Variants in OGDH observed in about 807,000 individuals in gnomAD.
The protein encoded by OGDH is oxoglutarate dehydrogenase.
In OGDH, 38 loss-of-function variants were observed where a neutral mutation model predicts 116.6. That is an observed-to-expected ratio of 0.33 (90% CI 0.25 to 0.43). OGDH has a LOEUF of 0.43. OGDH is among the 20% of genes least tolerant of loss of function. The pLI is 1.00. For synonymous variants in OGDH, 488 were observed against 533.3 expected, an observed-to-expected ratio of 0.92 and a Z score of 1.17; for missense variants, 825 against 1,357.2, an observed-to-expected ratio of 0.61 and a Z score of 6.16.
chr7:44,696,225 C>G, intron 13 of OGDH, 98 bp downstream of exon 13: 13 of 1,056,964 alleles, frequency 1.2e-5, no homozygotes, highest in Non-Finnish European at 1.6e-5. Context: ...CACTTTGTAC[C>G]CACAATGCAC....
At chr7:44,642,684 G>A (rs1442351123) in intron 2 of OGDH, among the ~76,000 whole-genome samples, 4 of 152,034 alleles carry the variant, frequency 2.6e-5, no homozygotes, top group Non-Finnish European at 4.4e-5. Flanking sequence ...AGCACTTTGG[G>A]AGGCCAAGGC....
At chr7:44,630,694 A>G (rs1321100571) in intron 2 of OGDH, among the ~76,000 whole-genome samples, 2 of 152,198 alleles carry the variant, frequency 1.3e-5, no homozygotes, top group East Asian at 1.9e-4. Flanking sequence ...AATCATCTCT[A>G]GATTACTTGT....
chr7:44,667,065 A>G (rs575876732), intron 5 of OGDH, among the ~76,000 whole-genome samples: 3 of 151,528 alleles, frequency 2.0e-5, no homozygotes, highest in African/African-American at 4.8e-5. Flanking sequence ...TCCCACCCCA[A>G]CCTCTTGTAT....
At chr7:44,634,094 G>T (rs1785562431) in intron 2 of OGDH, among the ~76,000 whole-genome samples, 1 of 152,242 alleles carries the variant, frequency 6.6e-6, no homozygotes, top group South Asian at 2.1e-4. Context: ...CTCCCTTGGA[G>T]CTGAGGCTCA....
At chr7:44,673,229 G>A (rs575991274) in intron 5 of OGDH, among the ~76,000 whole-genome samples, 8 of 152,268 alleles carry the variant, frequency 5.3e-5, no homozygotes, top group African/African-American at 1.9e-4. Flanking sequence ...GAGGCAAGAA[G>A]ATCACTTGAG....
intron 20 of OGDH, among the ~76,000 whole-genome samples, chr7:44,706,748 G>A (rs1789095480): frequency 6.6e-6 from 1 of 150,632 alleles, no homozygotes; most frequent in Non-Finnish European, 1.5e-5. Flanking sequence ...AGCCTCCCGA[G>A]TAGCTGGGAC....
intron 1 of OGDH, among the ~76,000 whole-genome samples, chr7:44,616,858 CACATAT>C (rs1359342095): frequency 3.5e-4 from 38 of 107,766 alleles, no homozygotes; most frequent in African/African-American, 1.2e-3. Context: ...TATATATATA[CACATAT>C]ATATATACGT....
chr7:44,659,659 C>CA (rs1198241638), intron 4 of OGDH, among the ~76,000 whole-genome samples: 1 of 152,106 alleles, frequency 6.6e-6, no homozygotes, highest in Non-Finnish European at 1.5e-5. Flanking sequence ...TCTAAGTTGT[C>CA]AAATGTGTGT....
chr7:44,684,413 G>A (rs570395958), intron 10 of OGDH, among the ~76,000 whole-genome samples: 6 of 152,282 alleles, frequency 3.9e-5, no homozygotes, highest in Non-Finnish European at 8.8e-5. Flanking sequence ...TCACTAAGTA[G>A]CAAATACTAA....
intron 10 of OGDH, among the ~76,000 whole-genome samples, chr7:44,682,396 AAG>A (rs1405546853): frequency 6.6e-6 from 1 of 151,476 alleles, no homozygotes; most frequent in African/African-American, 2.4e-5. Context: ...AAAAAAAAAA[AAG>A]AAAAGAAAAA....
chr7:44,671,617 A>C (rs1787458253), intron 5 of OGDH, among the ~76,000 whole-genome samples: 1 of 149,074 alleles, frequency 6.7e-6, no homozygotes, highest in African/African-American at 2.5e-5. Context: ...CAACAAAAAA[A>C]ATTAGCCGGG....
Position 44,694,002 on chromosome 7 carries a change from T to C in OGDH, c.1513T>C (p.Leu505=), listed in dbSNP as rs2116339386. The C allele has an allele frequency of 6.2e-7, 1 of 1,610,964 alleles. No individual in the cohort carries two copies. Among genetic ancestry groups the C allele is most frequent in the Middle Eastern group, 1.7e-4 (1 of 6,048 alleles). The change falls in exon 11 of 23, where the codon TTG becomes CTG. Residue 505 remains leucine, a splice_region_variant and synonymous_variant. Coordinates refer to ENST00000222673, the MANE Select transcript of OGDH (RefSeq NM_002541.4). This position sits in a 1 kb window ranked among gnomAD's most constrained non-coding sequence, Gnocchi z 4.2. ...STFHKDVVVD[L]VCYRRNGHNE... is the part of the protein sequence containing the mutation. ...CTTCCACAAGGACGTGGTTGTCGAT[T>C]TGGTGAGTGACTCTGGGGACAGCAC...
intron 4 of OGDH, among the ~76,000 whole-genome samples, chr7:44,661,144 TA>T (rs1562648797): frequency 6.6e-6 from 1 of 152,244 alleles, no homozygotes; most frequent in African/African-American, 2.4e-5. Flanking sequence ...CTTTGGTGTA[TA>T]CACATTTCAG....
At chr7:44,631,680 G>T (rs1441434036) in intron 2 of OGDH, among the ~76,000 whole-genome samples, 10 of 152,246 alleles carry the variant, frequency 6.6e-5, no homozygotes, top group African/African-American at 2.4e-4. Flanking sequence ...GTAGTTTGCA[G>T]CTCATGACAG....
In OGDH at chr7:44,613,813, T is replaced by G. The variant is rs1164296296; in HGVS notation, c.-28+7160T>G. Among the ~76,000 whole-genome samples, 4 of 149,918 alleles carry G rather than the reference T, an allele frequency of 2.7e-5. No homozygotes were observed. The East Asian group carries it at 7.9e-4, about 30-fold the overall frequency. ...GCCCAGCCACCTGGCTTTTTTTTTT[T>G]TTTTTTTTTGAAGATGGCATTTTGC... On this transcript the variant is annotated intron_variant, in intron 1 of 22. Coordinates refer to ENST00000222673, the MANE Select transcript of OGDH (RefSeq NM_002541.4).
intron 1 of OGDH, among the ~76,000 whole-genome samples, chr7:44,620,916 G>A (rs1784984419): frequency 6.6e-6 from 1 of 152,194 alleles, no homozygotes; most frequent in Non-Finnish European, 1.5e-5. Flanking sequence ...GCTCAGAGGA[G>A]CTTTCACAAA....
intron 4 of OGDH, among the ~76,000 whole-genome samples, chr7:44,659,434 A>G (rs896956105): frequency 2.0e-5 from 3 of 152,200 alleles, no homozygotes; most frequent in Non-Finnish European, 2.9e-5. Context: ...TGTTTCTCCT[A>G]TTTTCCAAAA....
chr7:44,658,878 C>CA (rs757625230), intron 4 of OGDH, among the ~76,000 whole-genome samples: 3 of 152,000 alleles, frequency 2.0e-5, no homozygotes, highest in Non-Finnish European at 4.4e-5. Context: ...CTCTGTCACC[C>CA]AGTCTGGAGT....
intron 4 of OGDH, among the ~76,000 whole-genome samples, chr7:44,661,243 C>T (rs1181330688): frequency 1.3e-5 from 2 of 152,108 alleles, no homozygotes; most frequent in Non-Finnish European, 2.9e-5. Context: ...TCTGAAGTTA[C>T]TTCATCTCAT....
Sources: allele counts gnomAD v4.1 joint callset (sites outside exome capture counted in the v4.1 genomes callset), GRCh38; gene constraint gnomAD v4.1.1; non-coding constraint Gnocchi (gnomAD v3.1); transcripts MANE v1.5; gene names NCBI Gene and HGNC (gene_info 2026-07-23, HGNC 2026-07-21).